The following LRP1B variants were observed in gnomAD, a reference collection of about 807,000 sequenced individuals.
LRP1B encodes the protein low-density lipoprotein receptor-related protein 1B.
In LRP1B, 217 loss-of-function variants were observed where a neutral mutation model predicts 556.6. The ratio of observed to expected loss-of-function variants is 0.39; its 90% CI spans 0.35 to 0.44. The LOEUF is 0.44. Among genes scored for constraint, LRP1B ranks in the 20% least tolerant of loss-of-function variants. The probability of loss-of-function intolerance (pLI) is 1.00; values close to 1 mark genes in which losing one functional copy is unlikely to be tolerated. For missense variants in LRP1B, 5,053 were observed against 5,620.8 expected, an observed-to-expected ratio of 0.90 and a Z score of 3.23; for synonymous variants, 2,047 against 1,865.8, an observed-to-expected ratio of 1.10 and a Z score of -2.50.
At chr2:141,377,192 T>C (rs2104879509) in intron 3 of LRP1B, among the ~76,000 whole-genome samples, 1 of 152,288 alleles carries the variant, frequency 6.6e-6, no homozygotes, top group Admixed American at 6.5e-5. Context: ...TCATGTTTCA[T>C]TCCAAATTTG....
At chr2:140,806,913 A>C (rs935523822) in intron 32 of LRP1B, among the ~76,000 whole-genome samples, 1 of 152,228 alleles carries the variant, frequency 6.6e-6, no homozygotes, top group Non-Finnish European at 1.5e-5. Flanking sequence ...ATCTCCATGA[A>C]TTGATTTGTT....
chr2:141,754,292 G>A (rs1328554562), intron 2 of LRP1B, among the ~76,000 whole-genome samples: 2 of 151,826 alleles, frequency 1.3e-5, no homozygotes, highest in Non-Finnish European at 2.9e-5. Flanking sequence ...ATGGATAATT[G>A]AGAGTTAACA....
At chr2:140,528,915 C>T (rs1447338007) in intron 47 of LRP1B, among the ~76,000 whole-genome samples, 1 of 152,004 alleles carries the variant, frequency 6.6e-6, no homozygotes, top group African/African-American at 2.4e-5. Context: ...AAATTTGTTT[C>T]ATCCATAAGG....
chr2:140,977,617 C>G (rs902435456), intron 18 of LRP1B, among the ~76,000 whole-genome samples: 5 of 151,664 alleles, frequency 3.3e-5, no homozygotes, highest in African/African-American at 1.2e-4. Flanking sequence ...TGTTGTTGTT[C>G]TCCATACTGG....
At chr2:142,085,101 T>C (rs1169219728) in intron 1 of LRP1B, among the ~76,000 whole-genome samples, 2 of 152,194 alleles carry the variant, frequency 1.3e-5, no homozygotes, top group Admixed American at 1.3e-4. Flanking sequence ...CAGAAATTCT[T>C]ATTTACTTCA....
intron 3 of LRP1B, among the ~76,000 whole-genome samples, chr2:141,260,930 C>A (rs1446648055): frequency 1.3e-5 from 2 of 152,088 alleles, no homozygotes; most frequent in South Asian, 4.1e-4. Flanking sequence ...TGCAAAAATG[C>A]CTTTTATCCA....
intron 31 of LRP1B, among the ~76,000 whole-genome samples, chr2:140,814,600 C>T (rs545356774): frequency 1.3e-5 from 2 of 152,266 alleles, no homozygotes; most frequent in Non-Finnish European, 2.9e-5. Flanking sequence ...CATCTATTTT[C>T]CATAAAATTT....
chr2:141,519,360 G>GAGATATAT (rs1366593169), intron 2 of LRP1B, among the ~76,000 whole-genome samples: 8 of 68,298 alleles, frequency 1.2e-4, no homozygotes, highest in Admixed American at 3.7e-4. Context: ...TTAAGTCAAT[G>GAGATATAT]ATATATATAT....
chr2:140,589,572 T>C (rs1048409688), intron 43 of LRP1B, among the ~76,000 whole-genome samples: 2 of 152,272 alleles, frequency 1.3e-5, no homozygotes, highest in South Asian at 2.1e-4. Context: ...TGAATAAAGA[T>C]ACTGTGGCTT....
At chr2:140,870,832 A>G (rs1273264568) in intron 25 of LRP1B, among the ~76,000 whole-genome samples, 1 of 152,154 alleles carries the variant, frequency 6.6e-6, no homozygotes, top group East Asian at 1.9e-4. Context: ...AAATTCAATT[A>G]ATCCACTTCC....
chr2:141,414,423 A>G (rs115134021), intron 3 of LRP1B, among the ~76,000 whole-genome samples: 453 of 151,858 alleles, frequency 3.0e-3, no homozygotes, highest in African/African-American at 0.01. Flanking sequence ...CCCCCCTCAT[A>G]CTGTGCCTCT....
intron 2 of LRP1B, among the ~76,000 whole-genome samples, chr2:141,751,439 CA>C (rs759597941): frequency 5.3e-5 from 8 of 151,626 alleles, no homozygotes; most frequent in Non-Finnish European, 8.8e-5. Flanking sequence ...TGTTGTATGC[CA>C]AAATAAATGT....
intron 86 of LRP1B, among the ~76,000 whole-genome samples, chr2:140,256,487 T>TAA (rs1681693101): frequency 1.3e-5 from 1 of 79,310 alleles, no homozygotes; most frequent in African/African-American, 4.8e-5. Context: ...TTTTTTTTTT[T>TAA]AAGACAGAGT....
intron 87 of LRP1B, among the ~76,000 whole-genome samples, chr2:140,240,349 T>C (rs1333373930): frequency 2.0e-5 from 3 of 150,752 alleles, no homozygotes; most frequent in Non-Finnish European, 3.0e-5. Context: ...AAATGATCAG[T>C]GAAATTTGGT....
intron 43 of LRP1B, among the ~76,000 whole-genome samples, chr2:140,543,950 A>C (rs905288843): frequency 6.6e-6 from 1 of 152,054 alleles, no homozygotes; most frequent in Non-Finnish European, 1.5e-5. Flanking sequence ...TAAAATATTT[A>C]AATATGAAAA....
rs1008880400 is a variant in LRP1B at position 141,402,865 on chromosome 2, C to A, written c.343+77531G>T. Among the ~76,000 whole-genome samples the A allele has an allele frequency of 2.6e-5, 4 of 151,984 alleles. 1 individual carries two copies. Among genetic ancestry groups the A allele is most frequent in the African/African-American group, 7.2e-5 (3 of 41,408 alleles). ...TGATGCTTTTATACATATCAAACTA[C>A]TGAAAAGATGAATTTTTATGACATT... On this transcript the variant is annotated intron_variant, in intron 3 of 90. Transcript: ENST00000389484.
At chr2:141,108,383 T>G (rs1395504337) in intron 7 of LRP1B, among the ~76,000 whole-genome samples, 1 of 140,252 alleles carries the variant, frequency 7.1e-6, no homozygotes, top group African/African-American at 2.6e-5. Flanking sequence ...AGTTTCACTC[T>G]TGTTGCCCAG....
intron 3 of LRP1B, among the ~76,000 whole-genome samples, chr2:141,385,115 C>G (rs77958919): frequency 3.9e-5 from 6 of 152,194 alleles, no homozygotes; most frequent in African/African-American, 1.4e-4. Flanking sequence ...TACGCCACTG[C>G]AGCTAAATTG....
intron 6 of LRP1B, among the ~76,000 whole-genome samples, chr2:141,204,792 C>CCAGGTGCGGTGG (rs1181584611): frequency 6.6e-6 from 1 of 151,894 alleles, no homozygotes; most frequent in Non-Finnish European, 1.5e-5. Context: ...CAAAAATTAG[C>CCAGGTGCGGTGG]CAGGTGCGGT....
Sources: gnomAD v4.1 joint callset for allele counts (sites outside exome capture counted in the v4.1 genomes callset) on GRCh38, gnomAD v4.1.1 for gene constraint, MANE v1.5 for transcripts, NCBI Gene and HGNC (gene_info 2026-07-23, HGNC 2026-07-21) for gene names.